The following PSG11 variants were observed in gnomAD, a reference collection of about 807,000 sequenced individuals.
PSG11 encodes pregnancy-specific beta-1-glycoprotein 11.
In PSG11, 42 loss-of-function variants were observed where a neutral mutation model predicts 36.0. That is an observed-to-expected ratio of 1.17 (90% CI 0.91 to 1.51). The LOEUF (loss-of-function observed/expected upper bound fraction) is 1.51, where lower values mean the gene tolerates loss of function less well. Among genes scored for constraint, PSG11 ranks in the 40% most tolerant of loss-of-function variants. The pLI is 0.00. For synonymous variants in PSG11, 206 were observed against 153.5 expected, an observed-to-expected ratio of 1.34 and a Z score of -2.53; for missense variants, 558 against 403.5, an observed-to-expected ratio of 1.38 and a Z score of -3.28.
chr19:43,008,966 G>A (rs1257116538), intron 5 of PSG11, among the ~76,000 whole-genome samples: 3 of 151,034 alleles, frequency 2.0e-5, no homozygotes, highest in African/African-American at 7.3e-5. Context: ...AATGGGTGGG[G>A]CTTGAGCATC....
In PSG11 at chr19:43,015,063, C is replaced by A. The variant is rs1176639015; in HGVS notation, c.964+53G>T. The stretch of plus-strand genomic sequence containing the variant: ...TGTTTTCCTGACTCTTCTCTGAAAG[C>A]TAGATAGACTCCACCTAAAACCCTA... On this transcript the variant is annotated intron_variant, in intron 4 of 5. Transcript: ENST00000320078. 6.8e-6 allele frequency: 11 copies of A among 1,610,170 alleles called. No homozygotes were observed. The South Asian group carries it at 1.2e-4, about 18-fold the overall frequency.
At chr19:43,015,959 T>A in intron 3 of PSG11, 6 of 1,610,104 alleles carry the variant, frequency 3.7e-6, no homozygotes, top group Non-Finnish European at 4.2e-6. Context: ...TAGTTCTCAC[T>A]CTTAGGTTCA....
chr19:43,018,611 G>T lies in PSG11; in HGVS notation c.709+159C>A, dbSNP rs1967024173. On this transcript the variant is annotated intron_variant, in intron 3 of 5. Coordinates refer to ENST00000320078, the MANE Select transcript of PSG11 (RefSeq NM_002785.3). ...TTCTCCCACTGTGGATCAAGCCTAG[G>T]CCTACTGTGGTTTGTCTGGGGCAGA... 4 of 1,521,064 alleles carry T rather than the reference G, an allele frequency of 2.6e-6. No individual in the cohort carries two copies. In the Admixed American group the frequency reaches 5.1e-5, roughly 19 times the overall value. 94.2% of individuals were successfully genotyped at this position (1,521,064 alleles called of 1,614,324 possible). A position where few individuals can be genotyped will look rare whatever the true frequency, so the allele number is the denominator to read the frequency against.
Position 43,021,383 on chromosome 19 carries a change from TCTTGCTCTGCCAGG to T in PSG11, c.431-2349_431-2336del, listed in dbSNP as rs1568491520. Among the ~76,000 whole-genome samples the T allele has an allele frequency of 9.9e-5, 15 of 151,304 alleles. 1 individual carries two copies. The South Asian group carries it at 3.2e-3, about 32-fold the overall frequency. ...CATTTTTATTTTTTCTGAGAGAGAC[TCTTGCTCTGCCAGG>T]CTGGAGTGCAGTGGCATGATCTCAG... On this transcript the variant is annotated intron_variant, in intron 2 of 5. Coordinates refer to ENST00000320078, the MANE Select transcript of PSG11 (RefSeq NM_002785.3).
chr19:43,014,976 AG>A (rs1966921298), intron 4 of PSG11, 139 bp downstream of exon 4: 1 of 1,552,968 alleles, frequency 6.4e-7, no homozygotes, highest in South Asian at 1.2e-5. Context: ...ACAAATTGGG[AG>A]GGTTCAGGAG....
intron 1 of PSG11, 67 bp downstream of exon 1, chr19:43,026,230 CCCAGGAGCCTCT>C: frequency 6.3e-7 from 1 of 1,588,708 alleles, no homozygotes; most frequent in Non-Finnish European, 8.6e-7. Flanking sequence ...TTTTTAGAAC[CCCAGGAGCCTCT>C]CCAGGAGACC....
intron 3 of PSG11, among the ~76,000 whole-genome samples, chr19:43,016,690 G>C (rs983188758): frequency 4.6e-5 from 7 of 151,454 alleles, no homozygotes; most frequent in African/African-American, 1.7e-4. Flanking sequence ...GACCTCTAAA[G>C]ATAGAGCAGA....
At position 43,024,873 on chromosome 19, in the gene PSG11, A is replaced by G. The variant is rs527591755; in HGVS notation, c.248T>C (p.Val83Ala). Residue 83 changes from valine to alanine, a missense_variant, in exon 2 of 6, where the codon GTA (valine) becomes GCA (alanine). Val to Ala is a moderately conservative substitution (Grantham distance 64, BLOSUM62 0). Transcript: ENST00000320078. ...RDLYHYITSY[V>A]VDGQIIIYGP... The stretch of plus-strand genomic sequence containing the variant: ...ATATATAATTATTTGACCGTCTACT[A>G]CATATGATGTAATGTAATGGTAGAG... 19 of 1,611,402 alleles carry G rather than the reference A, an allele frequency of 1.2e-5. No homozygotes were observed. Among genetic ancestry groups the G allele is most frequent in the Admixed American group, 1.7e-5 (1 of 59,792 alleles).
rs561670694 is a variant in PSG11 at position 43,009,979 on chromosome 19, A to G, written c.*19T>C. 9.4e-6 allele frequency: 15 copies of G among 1,602,332 alleles called. No homozygotes were observed. In the African/African-American group the frequency reaches 1.8e-4, roughly 19 times the overall value. ...ATACCTGCCAGTCTTCCTGAAATAC[A>G]AAAATGACATCACGGCTGCTACGTT... On this transcript the variant is annotated 3_prime_UTR_variant, in exon 5 of 6. Transcript: ENST00000320078.
intron 4 of PSG11, among the ~76,000 whole-genome samples, chr19:43,011,774 C>A (rs1338808350): frequency 6.6e-6 from 1 of 150,622 alleles, no homozygotes; most frequent in Non-Finnish European, 1.5e-5. Context: ...ACCTGTAGTC[C>A]TAGCATCTTG....
intron 2 of PSG11, 71 bp from the exon 3 acceptor site, chr19:43,019,119 G>T: frequency 6.4e-7 from 1 of 1,568,586 alleles, no homozygotes; most frequent in Non-Finnish European, 8.6e-7. Context: ...TTTTCAATCA[G>T]AATTGGCATT....
chr19:43,020,014 G>A (rs1333401375), intron 2 of PSG11, among the ~76,000 whole-genome samples: 1 of 151,266 alleles, frequency 6.6e-6, no homozygotes, highest in Non-Finnish European at 1.5e-5. Context: ...CTGATTCTGA[G>A]TTTGACTACT....
rs1020848500 is a variant in PSG11, at chr19:43,017,157, A to G, written c.709+1613T>C. On this transcript the variant is annotated intron_variant, in intron 3 of 5. Transcript: ENST00000320078. ...CCGTTATACAAGTTGGGGAGTTTCT[A>G]GAGATCTGCTGTAGAGCTTGATGCG... 8.6e-5 allele frequency: 13 copies of G among 151,370 alleles called. 1 individual carries two copies. Among genetic ancestry groups the G allele is most frequent in the Admixed American group, 3.3e-4 (5 of 15,156 alleles). The allele number at this position is 151,370 out of a possible 1,614,324, so 9.4% of individuals were successfully genotyped here. A position where few individuals can be genotyped will look rare whatever the true frequency, so the allele number is the denominator to read the frequency against.
chr19:43,011,488 A>G (rs1974074890), intron 4 of PSG11, among the ~76,000 whole-genome samples: 1 of 151,430 alleles, frequency 6.6e-6, no homozygotes, highest in Non-Finnish European at 1.5e-5. Context: ...TAGAGAAATT[A>G]ATGAAACCAA....
At position 43,007,762 on chromosome 19, in the gene PSG11, T is replaced by G; in HGVS notation, c.*321A>C. 4.1e-6 allele frequency: 1 copy of G among 244,426 alleles called. No homozygotes were observed. 15.1% of individuals were successfully genotyped at this position (244,426 alleles called of 1,614,324 possible). ...AAAAGCAAATGTTTCAATTTTTGTT[T>G]ACAAAAGTATACTTTACCAATTGCT... is the stretch of plus-strand genomic sequence containing the variant. On this transcript the variant is annotated 3_prime_UTR_variant, in exon 6 of 6. Transcript: ENST00000320078.
intron 1 of PSG11, among the ~76,000 whole-genome samples, chr19:43,025,637 GCC>G (rs1222989339): frequency 1.5e-4 from 22 of 144,458 alleles, no homozygotes; most frequent in Non-Finnish European, 2.6e-4. Flanking sequence ...AGTTCTCAGG[GCC>G]GTCCACGCCC....
At chr19:43,019,188 C>T (rs553377648) in intron 2 of PSG11, 140 bp from the exon 3 acceptor site, 3 of 1,488,760 alleles carry the variant, frequency 2.0e-6, no homozygotes, top group Non-Finnish European at 2.7e-6. Context: ...TGTGTTACAA[C>T]ACAGATGCAT....
chr19:43,026,397 C>G lies in PSG11; in HGVS notation c.-25G>C. On this transcript the variant is annotated 5_prime_UTR_variant, in exon 1 of 6. Transcript: ENST00000320078. The stretch of plus-strand genomic sequence containing the variant: ...TGATCTCTGCTGCGTGCATGTTCTC[C>G]TCTGTGGAGATGAGCCTAGGATCCA... 1.2e-6 allele frequency: 2 copies of G among 1,606,868 alleles called. No individual in the cohort carries two copies. The highest frequency in any genetic ancestry group is 2.2e-5 in the South Asian group (2 of 90,686).
chr19:43,014,699 G>C lies in PSG11; in HGVS notation c.964+417C>G, dbSNP rs1186548069. 6 of 1,201,546 alleles carry C rather than the reference G, an allele frequency of 5.0e-6. No homozygotes were observed. In the South Asian group the frequency reaches 2.1e-4, roughly 42 times the overall value. 74.4% of individuals were successfully genotyped at this position (1,201,546 alleles called of 1,614,324 possible). Reference sequence around the variant, plus strand: ...CAAGGGGCTTCCTCCTCTCATTTGGGGGAAAAGTGTGAGCTTGTTTCAAAG... The same window carrying C: ...CAAGGGGCTTCCTCCTCTCATTTGGCGGAAAAGTGTGAGCTTGTTTCAAAG... On this transcript the variant is annotated intron_variant, in intron 4 of 5. Coordinates refer to ENST00000320078, the MANE Select transcript of PSG11 (RefSeq NM_002785.3).
Sources: allele counts gnomAD v4.1 joint callset (sites outside exome capture counted in the v4.1 genomes callset), GRCh38; gene constraint gnomAD v4.1.1; transcripts MANE v1.5; gene names NCBI Gene and HGNC (gene_info 2026-07-23, HGNC 2026-07-21).